The following ICA1L variants were observed in gnomAD, a reference collection of about 807,000 sequenced individuals.
ICA1L encodes islet cell autoantigen 1 like.
Under a neutral mutation model 61.3 loss-of-function variants are expected in ICA1L, and 50 were observed. That is an observed-to-expected ratio of 0.82 (90% CI 0.65 to 1.03). The LOEUF (loss-of-function observed/expected upper bound fraction) is 1.03. Ranked by LOEUF, ICA1L falls within the 50% of genes least tolerant of loss-of-function variation. The probability of loss-of-function intolerance (pLI) is 0.00; values close to 1 mark genes in which losing one functional copy is unlikely to be tolerated. For missense variants in ICA1L, 508 were observed against 556.7 expected, an observed-to-expected ratio of 0.91 and a Z score of 0.88; for synonymous variants, 161 against 191.3, an observed-to-expected ratio of 0.84 and a Z score of 1.31.
intron 10 of ICA1L, among the ~76,000 whole-genome samples, chr2:202,794,851 G>T (rs1692875399): frequency 6.6e-6 from 1 of 151,908 alleles, no homozygotes; most frequent in African/African-American, 2.4e-5. Context: ...CAAATGGAAG[G>T]ATGGCCCTTG....
At chr2:202,865,164 T>A (rs1468649582) in intron 1 of ICA1L, among the ~76,000 whole-genome samples, 102 of 138,972 alleles carry the variant, frequency 7.3e-4, no homozygotes, top group Admixed American at 4.7e-3. Context: ...CTCTGTCTTT[T>A]AAAAAAAAAA....
At chr2:202,822,461 C>G (rs1693727344) in intron 3 of ICA1L, among the ~76,000 whole-genome samples, 1 of 152,148 alleles carries the variant, frequency 6.6e-6, no homozygotes, top group African/African-American at 2.4e-5. Context: ...AGTCACAGTG[C>G]TCAGCTAAAA....
chr2:202,805,495 AG>A (rs1693199339), intron 9 of ICA1L, among the ~76,000 whole-genome samples: 1 of 152,198 alleles, frequency 6.6e-6, no homozygotes, highest in African/African-American at 2.4e-5. Flanking sequence ...CCAGCACTTG[AG>A]CAGGCTGAGG....
chr2:202,792,891 A>G, intron 10 of ICA1L, among the ~76,000 whole-genome samples: 1 of 152,250 alleles, frequency 6.6e-6, no homozygotes, highest in East Asian at 1.9e-4. Flanking sequence ...GATGCCAGAA[A>G]TAAAGGACTA....
chr2:202,841,333 G>A (rs1000237141), intron 1 of ICA1L: 30 of 784,094 alleles, frequency 3.8e-5, no homozygotes, highest in Non-Finnish European at 6.9e-5. Flanking sequence ...GTCTCCAGCT[G>A]CTGCTTAAGG....
At chr2:202,793,494 T>TAAAAAAAA (rs755015399) in intron 10 of ICA1L, among the ~76,000 whole-genome samples, 2 of 31,332 alleles carry the variant, frequency 6.4e-5, no homozygotes, top group African/African-American at 2.9e-4. Flanking sequence ...CCGTCTCTAC[T>TAAAAAAAA]AAAAAAAAAA....
At chr2:202,866,672 G>A (rs574320470) in intron 1 of ICA1L, among the ~76,000 whole-genome samples, 3 of 152,294 alleles carry the variant, frequency 2.0e-5, no homozygotes, top group African/African-American at 7.2e-5. Context: ...TCCCGGCGAG[G>A]CGCGGTAGCT....
intron 1 of ICA1L, among the ~76,000 whole-genome samples, chr2:202,867,535 T>C (rs1265517281): frequency 2.0e-5 from 3 of 152,232 alleles, no homozygotes; most frequent in Non-Finnish European, 4.4e-5. Flanking sequence ...TACAATCTTA[T>C]GTGACTATTA....
intron 1 of ICA1L, among the ~76,000 whole-genome samples, chr2:202,861,301 A>C (rs1694904593): frequency 1.4e-5 from 2 of 145,458 alleles, no homozygotes; most frequent in African/African-American, 5.1e-5. Context: ...GCTACTAGGG[A>C]GGCTGAGGCA....
In ICA1L at chr2:202,818,386, A is replaced by C. The variant is rs192106764; in HGVS notation, c.559-843T>G. Among the ~76,000 whole-genome samples, 676 of 152,264 alleles carry C rather than the reference A, an allele frequency of 4.4e-3. 1 individual carries two copies. Among genetic ancestry groups the C allele is most frequent in the Non-Finnish European group, 7.4e-3 (502 of 68,000 alleles). On this transcript the variant is annotated intron_variant, in intron 5 of 12. Coordinates refer to ENST00000358299, the MANE Select transcript of ICA1L (RefSeq NM_001288622.3). ...GGTGAAGACCTTATCATGTTAGAACAACAAGAAGCAAGGAGGTAGAGCACG... is the reference window on the plus strand; with the variant it reads ...GGTGAAGACCTTATCATGTTAGAACCACAAGAAGCAAGGAGGTAGAGCACG...
Position 202,821,468 on chromosome 2 carries a change from T to C in ICA1L, c.249A>G (p.Glu83=). 6.2e-7 allele frequency: 1 copy of C among 1,609,506 alleles called. No homozygotes were observed. The highest frequency in any genetic ancestry group is 8.5e-7 in the Non-Finnish European group (1 of 1,177,948). ...YQLRLNVISE[E]ENELGLFLKF... ...TTAAAAAGAGCCCTAGCTCATTTTCTTCCTCTGATATAACTAGGAAAAAAA... is the reference window on the plus strand; with the variant it reads ...TTAAAAAGAGCCCTAGCTCATTTTCCTCCTCTGATATAACTAGGAAAAAAA... The change falls in exon 4 of 13, where the codon GAA becomes GAG. Residue 83 remains glutamate (E), a synonymous_variant. Transcript: ENST00000358299.
chr2:202,779,637 C>T lies in ICA1L; in HGVS notation c.1345G>A (p.Gly449Ser). 1 of 1,605,330 alleles carries T rather than the reference C, an allele frequency of 6.2e-7. No individual in the cohort carries two copies. Among genetic ancestry groups the T allele is most frequent in the Non-Finnish European group, 8.5e-7 (1 of 1,175,290 alleles). ...PKKLTRSPNN[G>S]NQDMSAWFNL... ...AACCAGGCTGACATGTCTTGGTTGC[C>T]ATTGTTGGGGGCTATTAAAAAAGAA... The change falls in exon 13 of 13, where the codon GGC becomes AGC. Residue 449 changes from glycine to serine, a missense_variant. Gly to Ser is a moderately conservative substitution (Grantham distance 56). Coordinates refer to ENST00000358299, the MANE Select transcript of ICA1L (RefSeq NM_001288622.3).
intron 8 of ICA1L, among the ~76,000 whole-genome samples, chr2:202,813,128 T>C (rs1328235196): frequency 6.6e-6 from 1 of 151,324 alleles, no homozygotes; most frequent in Non-Finnish European, 1.5e-5. Flanking sequence ...GGCTTAGTAG[T>C]GCATGCCTGT....
intron 1 of ICA1L, among the ~76,000 whole-genome samples, chr2:202,858,323 G>A (rs899049663): frequency 1.3e-5 from 2 of 152,158 alleles, no homozygotes; most frequent in African/African-American, 2.4e-5. Flanking sequence ...CCTTTGCAGG[G>A]ACATGGATGA....
At chr2:202,821,223 A>G (rs1693693871) in intron 4 of ICA1L, 135 bp downstream of exon 4, 1 of 711,000 alleles carries the variant, frequency 1.4e-6, no homozygotes, top group Non-Finnish European at 2.2e-6. Flanking sequence ...AGGTGTCACA[A>G]CATAACTGTG....
At chr2:202,819,278 CTG>C (rs1263354696) in intron 5 of ICA1L, among the ~76,000 whole-genome samples, 2 of 152,180 alleles carry the variant, frequency 1.3e-5, no homozygotes, top group Admixed American at 1.3e-4. Context: ...CTTAGGAAGT[CTG>C]TGGCCAAACT....
chr2:202,830,934 G>A (rs1694000626), intron 1 of ICA1L, among the ~76,000 whole-genome samples: 1 of 151,876 alleles, frequency 6.6e-6, no homozygotes, highest in Non-Finnish European at 1.5e-5. Flanking sequence ...AACAAAAATC[G>A]AAATCCAACT....
At chr2:202,786,881 G>GAT in intron 11 of ICA1L, 2 of 361,258 alleles carry the variant, frequency 5.5e-6, no homozygotes, top group Non-Finnish European at 5.4e-6. Context: ...TACTCTATGG[G>GAT]AATGTGGAGA....
intron 1 of ICA1L, among the ~76,000 whole-genome samples, chr2:202,863,757 G>A (rs1321899812): frequency 1.3e-5 from 2 of 151,472 alleles, no homozygotes; most frequent in Non-Finnish European, 2.9e-5. Flanking sequence ...AACCCGGGAG[G>A]CGGAGCTTGC....
Sources: gnomAD v4.1 joint callset for allele counts (sites outside exome capture counted in the v4.1 genomes callset) on GRCh38, gnomAD v4.1.1 for gene constraint, MANE v1.5 for transcripts, NCBI Gene and HGNC (gene_info 2026-07-23, HGNC 2026-07-21) for gene names.